Variants in JAKMIP3 observed in about 807,000 individuals in gnomAD.
JAKMIP3 encodes the protein janus kinase and microtubule-interacting protein 3.
A neutral mutation model predicts 118.5 loss-of-function variants in JAKMIP3; 58 were observed. The ratio of observed to expected loss-of-function variants is 0.49; its 90% CI spans 0.40 to 0.61. The LOEUF (loss-of-function observed/expected upper bound fraction) is 0.61, where lower values mean the gene tolerates loss of function less well. JAKMIP3 is among the 20% of genes least tolerant of loss of function. JAKMIP3 has a pLI of 0.00. For missense variants in JAKMIP3, 950 were observed against 1,109.0 expected (o/e 0.86, Z 2.04); for synonymous variants, 486 against 451.2 (o/e 1.08, Z -0.98).
chr10:132,037,179 A>G (rs1209179699), intron 1 of JAKMIP3, among the ~76,000 whole-genome samples: 1 of 152,200 alleles, frequency 6.6e-6, no homozygotes, highest in African/African-American at 2.4e-5. Flanking sequence ...ACGATACGGG[A>G]AGCCAGAGAA....
chr10:132,060,410 A>G (rs2038358670), upstream of JAKMIP3, among the ~76,000 whole-genome samples: 2 of 152,188 alleles, frequency 1.3e-5, no homozygotes, highest in African/African-American at 4.8e-5. Flanking sequence ...ATGCAGAGAA[A>G]GCGCTTGATG....
In JAKMIP3 at chr10:132,164,281, C is replaced by T. The variant is rs112049046; in HGVS notation, c.2425-389C>T. On this transcript the variant is annotated intron_variant, in intron 20 of 23. Transcript: ENST00000684848. ...TCGGATGCTTGGGGGACCCCAGGCG[C>T]CAGCATCCCCCTCACCGGGAGGCTC... is the stretch of plus-strand genomic sequence containing the variant. Among the ~76,000 whole-genome samples the T allele has an allele frequency of 5.7e-3, 870 of 152,304 alleles. 15 individuals are homozygous for T. The highest frequency in any genetic ancestry group is 0.019 in the African/African-American group (804 of 41,570).
chr10:132,065,132 G>C (rs1160037268), upstream of JAKMIP3, among the ~76,000 whole-genome samples: 1 of 152,096 alleles, frequency 6.6e-6, no homozygotes. This position sits in a 1 kb window ranked among gnomAD's most constrained non-coding sequence, Gnocchi z 5.6. Context: ...CACCCGCACC[G>C]GCAGCCCTCA....
chr10:132,094,449 G>A (rs1009989071), intron 1 of JAKMIP3, among the ~76,000 whole-genome samples: 1 of 152,120 alleles, frequency 6.6e-6, no homozygotes, highest in African/African-American at 2.4e-5. Context: ...CCCATGGGGT[G>A]TTCCCTTGAT....
intron 1 of JAKMIP3, among the ~76,000 whole-genome samples, chr10:132,047,152 C>T (rs1293439945): frequency 1.3e-5 from 2 of 152,088 alleles, no homozygotes; most frequent in African/African-American, 2.4e-5. Context: ...GGGGTTATAG[C>T]CATGAGCCAC....
chr10:132,168,476 G>T lies in JAKMIP3; in HGVS notation c.*546G>T. On this transcript the variant is annotated 3_prime_UTR_variant, in exon 23 of 24. Transcript: ENST00000684848. ...GATGGTCCTGGGAGGGCTCCCCGAC[G>T]CCTCAGGGGCCCCTCCGATGCTGCA... The T allele has an allele frequency of 9.2e-7, 1 of 1,084,938 alleles. No individual in the cohort carries two copies. The highest frequency in any genetic ancestry group is 1.2e-6 in the Non-Finnish European group (1 of 824,004). 67.2% of individuals were successfully genotyped at this position (1,084,938 alleles called of 1,614,324 possible).
chr10:132,100,404 G>A (rs554630240), intron 1 of JAKMIP3, among the ~76,000 whole-genome samples: 7 of 152,028 alleles, frequency 4.6e-5, no homozygotes, highest in African/African-American at 9.6e-5. Flanking sequence ...TCCCACTCCC[G>A]CAGCCTTTGG....
intron 12 of JAKMIP3, 97 bp from the exon 13 acceptor site, chr10:132,145,421 C>A: frequency 8.2e-7 from 1 of 1,224,476 alleles, no homozygotes; most frequent in Non-Finnish European, 1.2e-6. Context: ...GCCACGCTGG[C>A]CAGACTGGTC....
intron 17 of JAKMIP3, among the ~76,000 whole-genome samples, 162 bp from the exon 18 acceptor site, chr10:132,153,597 T>C (rs576198361): frequency 2.0e-5 from 3 of 152,228 alleles, no homozygotes; most frequent in Admixed American, 1.3e-4. Flanking sequence ...GGGGCCATGA[T>C]GCCAGCGCAG....
rs1554962984 is a variant in JAKMIP3, at chr10:132,180,624, T to TGTGTGTGC, written c.*1104-1732_*1104-1731insTGTGTGCG. On this transcript the variant is annotated intron_variant, in intron 23 of 23. Transcript: ENST00000684848. ...GTGCGCGTGTGTGTGTGCGTGTGTG[T>TGTGTGTGC]GCGTGTGTGCGTGCGTGTGTGCGTG... 7.7e-4 allele frequency among the ~76,000 whole-genome samples: 14 copies of TGTGTGTGC among 18,078 alleles called. 4 individuals are homozygous for TGTGTGTGC. Among genetic ancestry groups the TGTGTGTGC allele is most frequent in the African/African-American group, 3.6e-3 (14 of 3,888 alleles). The allele number at this position is 18,078 out of a possible 152,430, so 11.9% of individuals were successfully genotyped here.
At chr10:132,160,084 G>GT (rs1235327949) in intron 19 of JAKMIP3, among the ~76,000 whole-genome samples, 1 of 3,700 alleles carries the variant, frequency 2.7e-4, no homozygotes, top group Non-Finnish European at 4.2e-4. Flanking sequence ...ATGCTGGGGG[G>GT]GTCTCTTCCT....
chr10:132,078,623 G>GGA (rs1215081103), intron 1 of JAKMIP3, among the ~76,000 whole-genome samples: 1 of 95,800 alleles, frequency 1.0e-5, no homozygotes, highest in Non-Finnish European at 1.9e-5. Flanking sequence ...TGGGGGCGGG[G>GGA]GGGGGGGGGG....
In JAKMIP3 at chr10:132,141,982, G is replaced by C; in HGVS notation, c.1536G>C (p.Leu512=). ...FRQLTMEYQA[L]QRAYALLQEQ... is the part of the protein sequence containing the mutation. The stretch of plus-strand genomic sequence containing the variant: ...AGCTGACCATGGAGTACCAGGCCCT[G>C]CAGCGTGCCTACGCTTTGTTGCAGG... The change falls in exon 11 of 24, where the codon CTG becomes CTC. Residue 512 remains leucine (L), a synonymous_variant. Coordinates refer to ENST00000684848, the MANE Select transcript of JAKMIP3 (RefSeq NM_001323087.2). 1 of 1,603,254 alleles carries C rather than the reference G, an allele frequency of 6.2e-7. No homozygotes were observed. Among genetic ancestry groups the C allele is most frequent in the Admixed American group, 1.7e-5 (1 of 58,690 alleles).
At chr10:132,145,388 A>AT (rs1280426658) in intron 12 of JAKMIP3, 130 bp from the exon 13 acceptor site, 9 of 1,012,186 alleles carry the variant, frequency 8.9e-6, no homozygotes, top group South Asian at 4.7e-5. Context: ...TAATTTTTGT[A>AT]TTTTTTGTAG....
intron 23 of JAKMIP3, among the ~76,000 whole-genome samples, chr10:132,180,666 CGTGTGTGTGCGCGCGCGTGTGT>C (rs1355561376): frequency 7.0e-5 from 1 of 14,370 alleles, no homozygotes; most frequent in African/African-American, 3.2e-4. Context: ...TGCGTGTGTG[CGTGTGTGTGCGCGCGCGTGTGT>C]GTGCGTGCGT....
intron 3 of JAKMIP3, among the ~76,000 whole-genome samples, chr10:132,129,613 G>A (rs1052611184): frequency 3.9e-5 from 6 of 152,204 alleles, no homozygotes; most frequent in African/African-American, 1.4e-4. Context: ...ACGCCCTCAG[G>A]GAAAACGTTA....
chr10:132,173,736 TGTG>T (rs765239289), intron 23 of JAKMIP3, among the ~76,000 whole-genome samples: 1 of 120,672 alleles, frequency 8.3e-6, no homozygotes, highest in Non-Finnish European at 1.9e-5. Flanking sequence ...GTGGTGTGTC[TGTG>T]GTGGTCTGTG....
intron 1 of JAKMIP3, among the ~76,000 whole-genome samples, chr10:132,037,710 G>A (rs146293126): frequency 5.9e-5 from 9 of 152,350 alleles, no homozygotes; most frequent in Middle Eastern, 3.4e-3. Flanking sequence ...CTGGAGTGGG[G>A]AGGGCGGAGT....
In JAKMIP3 at chr10:132,131,059, A is replaced by G. The variant is rs559341779; in HGVS notation, c.634-2253A>G. 1.7e-4 allele frequency among the ~76,000 whole-genome samples: 26 copies of G among 151,960 alleles called. No individual in the cohort carries two copies. The East Asian group carries it at 4.5e-3, about 26-fold the overall frequency. ...TCCTCCAGCCTCAGCGTCGGCCTGC[A>G]CACCCCCTGTCCTGGAGAGTACCGT... On this transcript the variant is annotated intron_variant, in intron 3 of 23. Transcript: ENST00000684848.
Sources: gnomAD v4.1 joint callset for allele counts (sites outside exome capture counted in the v4.1 genomes callset) on GRCh38, gnomAD v4.1.1 for gene constraint, Gnocchi (gnomAD v3.1) non-coding constraint, MANE v1.5 for transcripts, NCBI Gene and HGNC (gene_info 2026-07-23, HGNC 2026-07-21) for gene names.